ARID1B: variants seen among roughly 807,000 people sequenced by gnomAD.
The protein encoded by ARID1B is AT-rich interaction domain 1B.
Under a neutral mutation model 212.3 loss-of-function variants are expected in ARID1B, and 30 were observed. That is an observed-to-expected ratio of 0.14 (90% CI 0.11 to 0.19). The LOEUF (loss-of-function observed/expected upper bound fraction) is 0.19. ARID1B is among the 10% of genes least tolerant of loss of function. The pLI is 1.00. For synonymous variants in ARID1B, 1,402 were observed against 1,301.7 expected, an observed-to-expected ratio of 1.08 and a Z score of -1.66; for missense variants, 2,891 against 3,204.0, an observed-to-expected ratio of 0.90 and a Z score of 2.36.
At chr6:157,019,672 A>G (rs1466213373) in intron 4 of ARID1B, among the ~76,000 whole-genome samples, 2 of 152,150 alleles carry the variant, frequency 1.3e-5, no homozygotes, top group African/African-American at 4.8e-5. Flanking sequence ...TTTAGGCTCT[A>G]TCGTCCTTTG....
At chr6:157,204,620 C>G (rs1227701378) in intron 19 of ARID1B, 1 of 152,182 alleles carries the variant, frequency 6.6e-6, no homozygotes, top group Non-Finnish European at 1.5e-5. Flanking sequence ...TTGAAGCAGT[C>G]ATGTAAAAGC....
chr6:157,077,474 A>G lies in ARID1B; in HGVS notation c.2248-7188A>G, dbSNP rs1360312241. ...CTCACCCTCTCTCCTGGGCATCCCA[A>G]GTGCCGCCTGTGCCGAAATGAGCAT... On this transcript the variant is annotated intron_variant, in intron 4 of 19. Transcript: ENST00000636930. 7.9e-5 allele frequency among the ~76,000 whole-genome samples: 12 copies of G among 152,030 alleles called. No homozygotes were observed. In the East Asian group the frequency reaches 2.1e-3, roughly 27 times the overall value.
At chr6:157,137,429 G>A (rs1789009832) in intron 7 of ARID1B, among the ~76,000 whole-genome samples, 1 of 152,138 alleles carries the variant, frequency 6.6e-6, no homozygotes, top group Non-Finnish European at 1.5e-5. Context: ...AAGTAGAAAG[G>A]ATTATGTAAT....
chr6:157,174,974 GC>G lies in ARID1B; in HGVS notation c.3476del (p.Pro1159GlnfsTer94). On this transcript the variant is annotated frameshift_variant, in exon 11 of 20. Coordinates refer to ENST00000636930, the MANE Select transcript of ARID1B (RefSeq NM_001374828.1). LOFTEE classifies it high-confidence loss of function. Reference sequence around the variant, plus strand: ...GGAGATGAAAGTGATAGCATTAGCAGCCCAGGCTGGCCAAAGACTCCATCAA... The same window carrying G: ...GGAGATGAAAGTGATAGCATTAGCAGCCAGGCTGGCCAAAGACTCCATCAA... ...FHGDESDSIS[S>X]PGWPKTPSSP... 2 of 1,509,058 alleles carry G rather than the reference GC, an allele frequency of 1.3e-6. No individual in the cohort carries two copies. The highest frequency in any genetic ancestry group is 2.7e-5 in the South Asian group (2 of 73,346). The allele number at this position is 1,509,058 out of a possible 1,614,324, so 93.5% of individuals were successfully genotyped here. A position where few individuals can be genotyped will look rare whatever the true frequency, so the allele number is the denominator to read the frequency against.
chr6:157,169,379 A>G (rs1339073802), intron 9 of ARID1B: 1 of 152,344 alleles, frequency 6.6e-6, no homozygotes, highest in South Asian at 2.1e-4. Context: ...CCAAAAAAAA[A>G]TCCTCCTGTG....
At chr6:156,999,077 T>C (rs943526501) in intron 4 of ARID1B, among the ~76,000 whole-genome samples, 4 of 152,192 alleles carry the variant, frequency 2.6e-5, no homozygotes, top group South Asian at 2.1e-4. Flanking sequence ...TCTGGGCCAG[T>C]GACTTTCAAC....
chr6:157,124,004 T>C (rs1787961015), intron 6 of ARID1B, among the ~76,000 whole-genome samples: 1 of 152,260 alleles, frequency 6.6e-6, no homozygotes. Flanking sequence ...ACAGGGTGGA[T>C]GCGTCTGATA....
intron 5 of ARID1B, among the ~76,000 whole-genome samples, chr6:157,089,527 C>G (rs933446733): frequency 6.6e-6 from 1 of 152,182 alleles, no homozygotes; most frequent in East Asian, 1.9e-4. Flanking sequence ...CATGGATTCT[C>G]TCCCTTTGTT....
chr6:156,932,565 C>T (rs968703781), intron 3 of ARID1B, among the ~76,000 whole-genome samples: 8 of 152,130 alleles, frequency 5.3e-5, no homozygotes, highest in African/African-American at 1.9e-4. Flanking sequence ...AAATATGATG[C>T]TGAACATATT....
At chr6:157,147,925 AC>A (rs1789915087) in intron 7 of ARID1B, among the ~76,000 whole-genome samples, 1 of 31,858 alleles carries the variant, frequency 3.1e-5, no homozygotes, top group Admixed American at 4.1e-4. Flanking sequence ...GCCCGCCCTC[AC>A]CCTCGCCTTT....
chr6:157,018,212 C>CCT (rs1253242445), intron 4 of ARID1B, among the ~76,000 whole-genome samples: 1 of 72,432 alleles, frequency 1.4e-5, no homozygotes, highest in Non-Finnish European at 2.3e-5. Context: ...AAGTAGTATG[C>CCT]TTTTTTTTTT....
chr6:157,175,149 C>G (rs1466216247), intron 11 of ARID1B, 144 bp downstream of exon 11: 1 of 693,178 alleles, frequency 1.4e-6, no homozygotes, highest in African/African-American at 1.9e-5. Context: ...AAAGGGTTTT[C>G]TTTATAAATA....
chr6:156,834,079 A>C (rs116989379), intron 2 of ARID1B, among the ~76,000 whole-genome samples: 2,358 of 152,326 alleles, frequency 0.015, 30 homozygotes, highest in South Asian at 0.021. Flanking sequence ...TGTTTCTTTT[A>C]AATGTAATTA....
At chr6:156,950,900 T>C (rs1793536152) in intron 4 of ARID1B, among the ~76,000 whole-genome samples, 1 of 152,168 alleles carries the variant, frequency 6.6e-6, no homozygotes, top group Non-Finnish European at 1.5e-5. Flanking sequence ...ACAATAAAAA[T>C]GTATGAAGTA....
Position 157,133,108 on chromosome 6 carries a change from C to T in ARID1B, c.2662C>T (p.Pro888Ser). ...QQTGPSMSPH[P>S]SPGGQMHAGI... ...GACAGGACCATCCATGTCGCCTCAT[C>T]CTTCTCCTGGGGGCCAGATGCATGC... The change falls in exon 7 of 20, where the codon CCT (proline) becomes TCT (serine). Residue 888 changes from proline to serine, a missense_variant. By Grantham distance (74) the Pro-to-Ser change is moderately conservative. Coordinates refer to ENST00000636930, the MANE Select transcript of ARID1B (RefSeq NM_001374828.1). 1 of 1,614,188 alleles carries T rather than the reference C, an allele frequency of 6.2e-7. No homozygotes were observed. The highest frequency in any genetic ancestry group is 8.5e-7 in the Non-Finnish European group (1 of 1,180,040).
At chr6:157,141,875 T>C (rs1789379560) in intron 7 of ARID1B, among the ~76,000 whole-genome samples, 2 of 152,234 alleles carry the variant, frequency 1.3e-5, no homozygotes, top group Admixed American at 6.5e-5. Context: ...CAGTTTCTTA[T>C]AAACACGTAC....
Position 157,121,162 on chromosome 6 carries a change from C to T in ARID1B, c.2581+10601C>T, listed in dbSNP as rs1026273281. Among the ~76,000 whole-genome samples, 7 of 152,286 alleles carry T rather than the reference C, an allele frequency of 4.6e-5. No individual in the cohort carries two copies. The South Asian group carries it at 1.5e-3, about 32-fold the overall frequency. On this transcript the variant is annotated intron_variant, in intron 6 of 19. Coordinates refer to ENST00000636930, the MANE Select transcript of ARID1B (RefSeq NM_001374828.1). The stretch of plus-strand genomic sequence containing the variant: ...TCCCCAAATTTCCTAGTTTTGCTTT[C>T]ACTTTTTATTTGACTTTGTTTCTAA...
At chr6:157,020,657 A>C (rs774009283) in intron 4 of ARID1B, among the ~76,000 whole-genome samples, 4 of 152,206 alleles carry the variant, frequency 2.6e-5, no homozygotes, top group Non-Finnish European at 5.9e-5. Flanking sequence ...TCAAAATATT[A>C]AACAGTGGTG....
chr6:156,916,118 T>G (rs1790333665), intron 3 of ARID1B, among the ~76,000 whole-genome samples: 1 of 152,158 alleles, frequency 6.6e-6, no homozygotes, highest in Non-Finnish European at 1.5e-5. Context: ...TGGATCTAGG[T>G]GATGTGTTAC....
Sources: allele counts gnomAD v4.1 joint callset (sites outside exome capture counted in the v4.1 genomes callset), GRCh38; gene constraint gnomAD v4.1.1; transcripts MANE v1.5; gene names NCBI Gene and HGNC (gene_info 2026-07-23, HGNC 2026-07-21).